Variants in ATAD3B observed in about 807,000 individuals in gnomAD.
ATAD3B encodes ATPase family AAA domain containing 3B.
ATAD3B carries 59 observed loss-of-function variants against 70.2 expected under a neutral mutation model. The observed-to-expected ratio is 0.84, with a 90% CI of 0.68 to 1.04. ATAD3B has a LOEUF of 1.04. Ranked by LOEUF, ATAD3B falls within the 50% of genes least tolerant of loss-of-function variation. The pLI is 0.00. For synonymous variants in ATAD3B, 423 were observed against 388.6 expected (o/e 1.09, Z -1.04); for missense variants, 961 against 913.4 (o/e 1.05, Z -0.67).
At position 1,490,433 on chromosome 1, in the gene ATAD3B, C is replaced by T. The variant is rs1483193316; in HGVS notation, c.1505+9C>T. 5 of 1,612,790 alleles carry T rather than the reference C, an allele frequency of 3.1e-6. No homozygotes were observed. The highest frequency in any genetic ancestry group is 4.2e-6 in the Non-Finnish European group (5 of 1,179,494). On this transcript the variant is annotated intron_variant, in intron 14 of 15. Coordinates refer to ENST00000673477, the MANE Select transcript of ATAD3B (RefSeq NM_031921.6). The stretch of plus-strand genomic sequence containing the variant: ...GCCACAGAAGGAAAACGGTGAGTGT[C>T]CCGCCTCACCCGGCCCCCAATCCAG...
chr1:1,473,585 G>T (rs1317399479), intron 1 of ATAD3B, among the ~76,000 whole-genome samples: 2 of 148,632 alleles, frequency 1.3e-5, no homozygotes, highest in Admixed American at 1.3e-4. Flanking sequence ...AAACCGCAAC[G>T]CCCTGGTTCA....
At chr1:1,477,222 C>A in intron 1 of ATAD3B, 52 bp from the exon 2 acceptor site, 1 of 1,603,208 alleles carries the variant, frequency 6.2e-7, no homozygotes. Flanking sequence ...GTTGGCCAGG[C>A]TTTGGTATCC....
chr1:1,479,406 A>G (rs1219729526), intron 4 of ATAD3B, among the ~76,000 whole-genome samples: 2 of 141,786 alleles, frequency 1.4e-5, no homozygotes, highest in South Asian at 4.7e-4. Context: ...GCACACACAC[A>G]CCCCTGCACA....
intron 1 of ATAD3B, among the ~76,000 whole-genome samples, chr1:1,474,201 CT>C (rs112920697): frequency 0.32 from 46,912 of 145,526 alleles, 13,468 homozygotes; most frequent in African/African-American, 0.74. Context: ...TTCTTTTTTT[CT>C]TTTTTTTTTT....
At chr1:1,499,768 AT>A (rs1446769862), downstream of ATAD3B, among the ~76,000 whole-genome samples, 2 of 145,378 alleles carry the variant, frequency 1.4e-5, no homozygotes, top group Non-Finnish European at 3.0e-5. Flanking sequence ...CTAATTTTGT[AT>A]TTTTAGTAGA....
At chr1:1,499,099 G>T (rs1387775987), downstream of ATAD3B, among the ~76,000 whole-genome samples, 2 of 151,608 alleles carry the variant, frequency 1.3e-5, no homozygotes, top group African/African-American at 2.4e-5. Context: ...AGCCTCCTGA[G>T]TAGCTGGGAC....
At chr1:1,502,116 T>A (rs568911483), downstream of ATAD3B, among the ~76,000 whole-genome samples, 3 of 152,164 alleles carry the variant, frequency 2.0e-5, no homozygotes, top group East Asian at 3.9e-4. Context: ...TGACCTCAGG[T>A]GATCCGCCTG....
chr1:1,483,100 C>G, intron 7 of ATAD3B: 1 of 451,992 alleles, frequency 2.2e-6, no homozygotes, highest in South Asian at 1.6e-5. Flanking sequence ...CGAGATCATC[C>G]TGGTAAGAGT....
intron 1 of ATAD3B, among the ~76,000 whole-genome samples, chr1:1,472,755 A>G (rs1639395331): frequency 6.6e-6 from 1 of 152,062 alleles, no homozygotes; most frequent in Non-Finnish European, 1.5e-5. Flanking sequence ...TCAAATGGCT[A>G]GGAGTCTGGA....
chr1:1,485,635 G>C (rs1188866713), intron 8 of ATAD3B, 147 bp from the exon 9 acceptor site: 1 of 1,327,862 alleles, frequency 7.5e-7, no homozygotes, highest in Non-Finnish European at 1.0e-6. Context: ...TGGTCTCCCG[G>C]CGGGGCAGGG....
chr1:1,489,633 C>T, intron 13 of ATAD3B: 1 of 1,336,902 alleles, frequency 7.5e-7, no homozygotes, highest in Non-Finnish European at 1.0e-6. Flanking sequence ...TGTCCAGGCT[C>T]CCTCTTCCCT....
chr1:1,494,746 C>T (rs890546946), intron 15 of ATAD3B, among the ~76,000 whole-genome samples: 3 of 148,818 alleles, frequency 2.0e-5, no homozygotes, highest in Non-Finnish European at 2.9e-5. Flanking sequence ...GGGACCCACT[C>T]AGCTGTCCAG....
chr1:1,495,552 C>T lies in ATAD3B; in HGVS notation c.1682C>T (p.Ala561Val), dbSNP rs748583461. 4.2e-5 allele frequency: 68 copies of T among 1,613,124 alleles called. 2 individuals are homozygous for T. The highest frequency in any genetic ancestry group is 5.8e-5 in the Non-Finnish European group (68 of 1,179,380). The change falls in exon 16 of 16, where the codon GCT becomes GTT. Residue 561 changes from alanine (A) to valine (V), a missense_variant. Coordinates refer to ENST00000673477, the MANE Select transcript of ATAD3B (RefSeq NM_031921.6). ...EAMMDACVQD[A>V]VQQYRQKMRW... The stretch of plus-strand genomic sequence containing the variant: ...ATGATGGACGCCTGTGTGCAAGATG[C>T]TGTCCAGCAGTACCGACAGAAGATG...
intron 13 of ATAD3B, 106 bp from the exon 14 acceptor site, chr1:1,490,151 T>C (rs1640455643): frequency 6.6e-6 from 10 of 1,511,156 alleles, no homozygotes; most frequent in East Asian, 2.3e-5. Flanking sequence ...GCTGCCGCTT[T>C]AGATTCTCCC....
the ATAD3B span, among the ~76,000 whole-genome samples, chr1:1,506,138 G>A: frequency 6.6e-6 from 1 of 152,252 alleles, no homozygotes; most frequent in East Asian, 1.9e-4. Flanking sequence ...GAGGCTGAGA[G>A]GCAGGAGAAT....
At chr1:1,475,050 CA>C (rs1483491986) in intron 1 of ATAD3B, among the ~76,000 whole-genome samples, 1 of 148,942 alleles carries the variant, frequency 6.7e-6, no homozygotes, top group Non-Finnish European at 1.5e-5. Context: ...CCTGGTTGAG[CA>C]GCCTCAGGCC....
chr1:1,490,450 C>A (rs1426631184), intron 14 of ATAD3B, 26 bp downstream of exon 14: 1 of 1,612,664 alleles, frequency 6.2e-7, no homozygotes, highest in Admixed American at 1.7e-5. Flanking sequence ...CACCCGGCCC[C>A]CAATCCAGGC....
Position 1,489,772 on chromosome 1 carries a change from CA to C in ATAD3B, c.1338-484del, listed in dbSNP as rs1334099745. Reference sequence around the variant, plus strand: ...CTTCAGGCACGTTGGGCTCCTGGGTCAGCTGCTGCCGTTCGACGCTCCCTGG... The same window carrying C: ...CTTCAGGCACGTTGGGCTCCTGGGTCGCTGCTGCCGTTCGACGCTCCCTGG... On this transcript the variant is annotated intron_variant, in intron 13 of 15. Transcript: ENST00000673477. 33 of 1,302,530 alleles carry C rather than the reference CA, an allele frequency of 2.5e-5. No individual in the cohort carries two copies. The East Asian group carries it at 1.4e-3, about 56-fold the overall frequency. 80.7% of individuals were successfully genotyped at this position (1,302,530 alleles called of 1,614,324 possible). A position where few individuals can be genotyped will look rare whatever the true frequency, so the allele number is the denominator to read the frequency against.
chr1:1,480,921 G>A lies in ATAD3B; in HGVS notation c.499G>A (p.Glu167Lys), dbSNP rs769337859. The change falls in exon 5 of 16, where the codon GAA becomes AAA. Residue 167 changes from glutamate to lysine, a missense_variant. Glu to Lys is a moderately conservative substitution (Grantham distance 56, BLOSUM62 1). Transcript: ENST00000673477. ...RKQEESVQKQEAMRRATVERE... is the reference protein window; with the variant it reads ...RKQEESVQKQKAMRRATVERE... ...GCAGGAGGAGTCCGTGCAGAAGCAG[G>A]AAGCCATGCGGCGAGGTAGGCTGTC... is the stretch of plus-strand genomic sequence containing the variant. 1.9e-6 allele frequency: 3 copies of A among 1,592,886 alleles called. No homozygotes were observed. The highest frequency in any genetic ancestry group is 4.6e-5 in the East Asian group (2 of 43,092).
Sources: gnomAD v4.1 joint callset for allele counts (sites outside exome capture counted in the v4.1 genomes callset) on GRCh38, gnomAD v4.1.1 for gene constraint, MANE v1.5 for transcripts, NCBI Gene and HGNC (gene_info 2026-07-23, HGNC 2026-07-21) for gene names.